The following TBC1D1 variants were observed in gnomAD, a reference collection of about 807,000 sequenced individuals.
TBC1D1 encodes the protein TBC1 domain family member 1.
A neutral mutation model predicts 125.6 loss-of-function variants in TBC1D1; 89 were observed. The observed-to-expected ratio is 0.71, with a 90% CI of 0.60 to 0.85. The LOEUF is 0.85. Ranked by LOEUF, TBC1D1 falls within the 40% of genes least tolerant of loss-of-function variation. The pLI, the probability that TBC1D1 is intolerant of heterozygous loss-of-function variation, is 0.00. For synonymous variants in TBC1D1, 565 were observed against 564.1 expected, an observed-to-expected ratio of 1.00 and a Z score of -0.02; for missense variants, 1,377 against 1,469.2, an observed-to-expected ratio of 0.94 and a Z score of 1.03.
At chr4:38,113,711 A>G (rs1039617368) in intron 15 of TBC1D1, among the ~76,000 whole-genome samples, 7 of 152,212 alleles carry the variant, frequency 4.6e-5, no homozygotes, top group Non-Finnish European at 8.8e-5. Flanking sequence ...TTTTGAGACT[A>G]TGAGGAAACC....
Position 37,995,609 on chromosome 4 carries a change from C to T in TBC1D1, c.418-18900C>T. On this transcript the variant is annotated intron_variant, in intron 2 of 19. Coordinates refer to ENST00000261439, the MANE Select transcript of TBC1D1 (RefSeq NM_015173.4). The surrounding 1 kb of genome is among the most constrained non-coding windows in gnomAD (Gnocchi z 4.3). ...TTCAGGTCCAGTACCCTGGCCTTGACCTCCCCATAGGCTGTCTTATCTCAC... is the reference window on the plus strand; with the variant it reads ...TTCAGGTCCAGTACCCTGGCCTTGATCTCCCCATAGGCTGTCTTATCTCAC... 2.1e-6 allele frequency: 1 copy of T among 481,892 alleles called. No individual in the cohort carries two copies. Among genetic ancestry groups the T allele is most frequent in the Non-Finnish European group, 4.1e-6 (1 of 243,290 alleles). The allele number at this position is 481,892 out of a possible 1,614,324, so 29.9% of individuals were successfully genotyped here.
intron 18 of TBC1D1, among the ~76,000 whole-genome samples, chr4:38,128,171 G>A (rs1216804731): frequency 6.6e-6 from 1 of 152,122 alleles, no homozygotes; most frequent in Non-Finnish European, 1.5e-5. Context: ...TCAACATTTT[G>A]GGGGTATCGG....
chr4:37,987,876 C>T (rs930900600), intron 2 of TBC1D1, among the ~76,000 whole-genome samples: 1 of 152,178 alleles, frequency 6.6e-6, no homozygotes, highest in South Asian at 2.1e-4. Flanking sequence ...AGTTATTCAG[C>T]TTACCTGGAA....
rs559062737 is a variant in TBC1D1 at position 38,069,123 on chromosome 4, T to C, written c.2050+14785T>C. On this transcript the variant is annotated intron_variant, in intron 12 of 19. Transcript: ENST00000261439. ...GTTCCTTGTTTTGCAGAAGAAGAAA[T>C]AGAGGCTTTAGGGGAAAGGGGTCCA... 7.7e-4 allele frequency among the ~76,000 whole-genome samples: 117 copies of C among 152,172 alleles called. 1 individual carries two copies. Among genetic ancestry groups the C allele is most frequent in the South Asian group, 2.1e-3 (10 of 4,814 alleles).
chr4:38,116,602 C>CAGAAA (rs1763022927), intron 16 of TBC1D1, among the ~76,000 whole-genome samples: 2 of 152,126 alleles, frequency 1.3e-5, no homozygotes, highest in African/African-American at 4.8e-5. Context: ...GAGCCGAGTT[C>CAGAAA]CTAGTTTCTG....
At chr4:38,075,002 G>A (rs1202216562) in intron 12 of TBC1D1, among the ~76,000 whole-genome samples, 2 of 151,996 alleles carry the variant, frequency 1.3e-5, no homozygotes, top group Admixed American at 6.6e-5. Flanking sequence ...CTCGTCATCC[G>A]CCTGCCTTGG....
Position 38,103,139 on chromosome 4 carries a change from G to A in TBC1D1, c.2539G>A (p.Ala847Thr). Residue 847 changes from alanine (A) to threonine (T), a missense_variant, in exon 15 of 20, where the codon GCG (alanine) becomes ACG (threonine). Ala to Thr is a moderately conservative substitution (Grantham distance 58). Transcript: ENST00000261439. The stretch of plus-strand genomic sequence containing the variant: ...AAAGCAGCTGACTTCCCAGCAGCAT[G>A]CGATTCTTATTGACCTTGGTAAGTC... 6.2e-7 allele frequency: 1 copy of A among 1,611,826 alleles called. No individual in the cohort carries two copies. Among genetic ancestry groups the A allele is most frequent in the Non-Finnish European group, 8.5e-7 (1 of 1,179,346 alleles).
chr4:38,125,480 G>A lies in TBC1D1; in HGVS notation c.3132+349G>A, dbSNP rs151287455. Among the ~76,000 whole-genome samples, 270 of 152,300 alleles carry A rather than the reference G, an allele frequency of 1.8e-3. 1 individual carries two copies. Among genetic ancestry groups the A allele is most frequent in the African/African-American group, 6.1e-3 (255 of 41,544 alleles). On this transcript the variant is annotated intron_variant, in intron 18 of 19. Transcript: ENST00000261439. ...GATGCAATGTAGGGTTTTGTACATT[G>A]AGTGCTTTGATTTGTGTGTGTGTAT... is the stretch of plus-strand genomic sequence containing the variant.
At position 37,936,078 on chromosome 4, in the gene TBC1D1, C is replaced by T. The variant is rs373278474; in HGVS notation, c.417+33566C>T. Among the ~76,000 whole-genome samples, 27 of 152,296 alleles carry T rather than the reference C, an allele frequency of 1.8e-4. 1 individual carries two copies. In the South Asian group the frequency reaches 5.4e-3, roughly 30 times the overall value. On this transcript the variant is annotated intron_variant, in intron 2 of 19. Transcript: ENST00000261439. Reference sequence around the variant, plus strand: ...CACATACCATGCTGTCCTTCCTTTACTCTGGCACAGATCACCGCTTAGACG... The same window carrying T: ...CACATACCATGCTGTCCTTCCTTTATTCTGGCACAGATCACCGCTTAGACG...
At chr4:37,965,201 G>C (rs1415438395) in intron 2 of TBC1D1, among the ~76,000 whole-genome samples, 1 of 152,166 alleles carries the variant, frequency 6.6e-6, no homozygotes, top group Non-Finnish European at 1.5e-5. Context: ...GAGTGCCTGG[G>C]CCTGATTCTG....
At chr4:37,960,641 A>G (rs1343129642) in intron 2 of TBC1D1, 1 of 1,614,216 alleles carries the variant, frequency 6.2e-7, no homozygotes, top group Non-Finnish European at 8.5e-7. Context: ...CTGTCAACAG[A>G]GCTACAGAAA....
intron 13 of TBC1D1, among the ~76,000 whole-genome samples, chr4:38,093,496 C>T (rs988141899): frequency 1.3e-5 from 2 of 151,148 alleles, no homozygotes; most frequent in East Asian, 1.9e-4. Flanking sequence ...AGTCCTCCAC[C>T]GTCCTCCTCT....
chr4:38,005,385 C>A (rs1739925921), intron 2 of TBC1D1, among the ~76,000 whole-genome samples: 1 of 152,174 alleles, frequency 6.6e-6, no homozygotes, highest in Admixed American at 6.5e-5. Flanking sequence ...CTACCTGAAT[C>A]TTGGGTATTG....
At chr4:37,910,373 A>G (rs998434008) in intron 2 of TBC1D1, among the ~76,000 whole-genome samples, 2 of 152,260 alleles carry the variant, frequency 1.3e-5, no homozygotes, top group Non-Finnish European at 2.9e-5. Flanking sequence ...AAGTATAAAA[A>G]ACACAGTGGA....
chr4:38,076,296 G>A (rs1332805556), intron 12 of TBC1D1, among the ~76,000 whole-genome samples: 2 of 152,146 alleles, frequency 1.3e-5, no homozygotes, highest in Non-Finnish European at 1.5e-5. Context: ...AACAGGATGG[G>A]GGAAACTGCC....
At chr4:38,077,280 A>G (rs190488333) in intron 12 of TBC1D1, among the ~76,000 whole-genome samples, 84 of 152,362 alleles carry the variant, frequency 5.5e-4, no homozygotes, top group African/African-American at 1.9e-3. Flanking sequence ...AAAGGAGCGT[A>G]CAAGTCTTGT....
intron 6 of TBC1D1, among the ~76,000 whole-genome samples, chr4:38,025,097 T>C (rs1490343337): frequency 1.3e-5 from 2 of 152,182 alleles, no homozygotes; most frequent in Non-Finnish European, 2.9e-5. Flanking sequence ...ATAGTTGAAC[T>C]GAGATTTTCT....
intron 15 of TBC1D1, among the ~76,000 whole-genome samples, chr4:38,111,444 T>G (rs1251990963): frequency 1.3e-5 from 2 of 152,258 alleles, no homozygotes; most frequent in Non-Finnish European, 2.9e-5. Flanking sequence ...TTTATTTGAT[T>G]CGTATTTATT....
intron 8 of TBC1D1, among the ~76,000 whole-genome samples, chr4:38,041,739 T>C (rs1422672063): frequency 6.6e-6 from 1 of 152,256 alleles, no homozygotes; most frequent in Non-Finnish European, 1.5e-5. Context: ...TAGTTTCAAC[T>C]ACATATCTTT....
Sources: gnomAD v4.1 joint callset for allele counts (sites outside exome capture counted in the v4.1 genomes callset) on GRCh38, gnomAD v4.1.1 for gene constraint, Gnocchi (gnomAD v3.1) non-coding constraint, MANE v1.5 for transcripts, NCBI Gene and HGNC (gene_info 2026-07-23, HGNC 2026-07-21) for gene names.